NIBAN3: variants seen among roughly 807,000 people sequenced by gnomAD.
NIBAN3 encodes niban apoptosis regulator 3, also known as protein Niban 3.
Under a neutral mutation model 76.4 loss-of-function variants are expected in NIBAN3, and 66 were observed. That is an observed-to-expected ratio of 0.86 (90% CI 0.71 to 1.06). The LOEUF (loss-of-function observed/expected upper bound fraction) is 1.06, where lower values mean the gene tolerates loss of function less well. NIBAN3 is among the 50% of genes least tolerant of loss of function. The pLI, the probability that NIBAN3 is intolerant of heterozygous loss-of-function variation, is 0.00. For missense variants in NIBAN3, 808 were observed against 810.7 expected (o/e 1.00, Z 0.04); for synonymous variants, 360 against 355.2 (o/e 1.01, Z -0.15).
In NIBAN3 at chr19:17,553,592, C is replaced by T; in HGVS notation, c.*1694C>T. ...ATTCCTGACCTTTCCACCTATTTCC[C>T]TCCAACCCCACCTTCCGAAATACAT... is the stretch of plus-strand genomic sequence containing the variant. On this transcript the variant is annotated 3_prime_UTR_variant, in exon 15 of 15. Transcript: ENST00000599164. 6.3e-7 allele frequency: 1 copy of T among 1,584,666 alleles called. No homozygotes were observed. Among genetic ancestry groups the T allele is most frequent in the Non-Finnish European group, 8.7e-7 (1 of 1,153,682 alleles).
At chr19:17,540,131 C>T in intron 8 of NIBAN3, 1 of 418,998 alleles carries the variant, frequency 2.4e-6, no homozygotes, top group South Asian at 6.0e-5. Flanking sequence ...GGTGGGCGGG[C>T]CTGGGAAGTA....
intron 12 of NIBAN3, 157 bp from the exon 13 acceptor site, chr19:17,546,529 T>C: frequency 1.6e-6 from 2 of 1,231,846 alleles, no homozygotes; most frequent in Admixed American, 4.0e-5. Context: ...TATTTTAAAA[T>C]AAAAATATTT....
At position 17,538,542 on chromosome 19, in the gene NIBAN3, G is replaced by A. The variant is rs142283889; in HGVS notation, c.596-608G>A. On this transcript the variant is annotated intron_variant, in intron 5 of 14. Coordinates refer to ENST00000599164, the MANE Select transcript of NIBAN3 (RefSeq NM_001321827.2). ...GGAGGCTTAGGTGGGAGGATCACTT[G>A]AGCCCAGGACTTGGAGGCTGCAGTA... Among the ~76,000 whole-genome samples the A allele has an allele frequency of 3.7e-3, 556 of 151,860 alleles. 5 individuals carry two copies. Among genetic ancestry groups the A allele is most frequent in the African/African-American group, 0.013 (541 of 41,392 alleles).
chr19:17,531,633 A>C (rs528673955), intron 2 of NIBAN3, among the ~76,000 whole-genome samples: 64 of 152,274 alleles, frequency 4.2e-4, no homozygotes, highest in Non-Finnish European at 8.1e-4. Context: ...TCCCAGGTTC[A>C]AGCGATTCTC....
chr19:17,541,998 T>G (rs2075961557), intron 9 of NIBAN3, 138 bp from the exon 10 acceptor site: 10 of 1,069,134 alleles, frequency 9.4e-6, no homozygotes, highest in Non-Finnish European at 1.4e-5. Context: ...ACTATTGTAT[T>G]ATGAGTTTCT....
Position 17,542,650 on chromosome 19 carries a change from G to A in NIBAN3, c.1329+356G>A, listed in dbSNP as rs925356150. On this transcript the variant is annotated intron_variant, in intron 10 of 14. Coordinates refer to ENST00000599164, the MANE Select transcript of NIBAN3 (RefSeq NM_001321827.2). This position sits in a 1 kb window ranked among gnomAD's most constrained non-coding sequence, Gnocchi z 4.8. Reference sequence around the variant, plus strand: ...TTGGGGAACGTGGAGCAATTTTTCAGAAATGGGGAAGATAGGCCGGCGACA... The same window carrying A: ...TTGGGGAACGTGGAGCAATTTTTCAAAAATGGGGAAGATAGGCCGGCGACA... Among the ~76,000 whole-genome samples the A allele has an allele frequency of 6.6e-6, 1 of 152,186 alleles. No homozygotes were observed. The highest frequency in any genetic ancestry group is 1.5e-5 in the Non-Finnish European group (1 of 68,040).
At chr19:17,530,277 T>TA in intron 1 of NIBAN3, among the ~76,000 whole-genome samples, 1 of 151,586 alleles carries the variant, frequency 6.6e-6, no homozygotes, top group Admixed American at 6.6e-5. Flanking sequence ...GCTGTGATCG[T>TA]GCCAGCGCAC....
At chr19:17,554,350 T>G (rs966609076), downstream of NIBAN3, among the ~76,000 whole-genome samples, 4 of 151,560 alleles carry the variant, frequency 2.6e-5, no homozygotes, top group East Asian at 7.8e-4. Context: ...CGTGGTTGAG[T>G]GCACTTGTAG....
chr19:17,524,383 T>C (rs1450669826), upstream of NIBAN3, among the ~76,000 whole-genome samples: 2 of 152,108 alleles, frequency 1.3e-5, no homozygotes, highest in Non-Finnish European at 2.9e-5. Context: ...CCTCCTGGGT[T>C]CAAGTGATTC....
chr19:17,535,629 T>G (rs1049202525), intron 4 of NIBAN3, among the ~76,000 whole-genome samples: 2 of 151,460 alleles, frequency 1.3e-5, no homozygotes, highest in Non-Finnish European at 2.9e-5. Flanking sequence ...ACGCCTATAA[T>G]CCCAGCTACT....
upstream of NIBAN3, among the ~76,000 whole-genome samples, chr19:17,526,051 T>C (rs8108421): frequency 0.071 from 10,245 of 143,408 alleles, 418 homozygotes; most frequent in Admixed American, 0.12. Context: ...GAGACACCGT[T>C]TAAAAAAAAA....
chr19:17,543,333 T>C lies in NIBAN3; in HGVS notation c.1346T>C (p.Val449Ala), dbSNP rs2075989392. The C allele has an allele frequency of 6.4e-7, 1 of 1,568,850 alleles. No homozygotes were observed. The highest frequency in any genetic ancestry group is 1.2e-5 in the South Asian group (1 of 83,948). ...CTCCCACAGCTCATGGCTGACGCCGTGGCCACCTTCCTGCAGCTGGCTGAC... is the reference window on the plus strand; with the variant it reads ...CTCCCACAGCTCATGGCTGACGCCGCGGCCACCTTCCTGCAGCTGGCTGAC... ...DLAQQLMADAVATFLQLADQC... is the reference protein window; with the variant it reads ...DLAQQLMADAAATFLQLADQC... The change falls in exon 11 of 15, where the codon GTG becomes GCG. Residue 449 changes from valine to alanine, a missense_variant. Val to Ala is a moderately conservative substitution (Grantham distance 64). Coordinates refer to ENST00000599164, the MANE Select transcript of NIBAN3 (RefSeq NM_001321827.2).
At chr19:17,549,800 T>G in intron 14 of NIBAN3, 1 of 542,868 alleles carries the variant, frequency 1.8e-6, no homozygotes, top group Non-Finnish European at 3.2e-6. Flanking sequence ...GGTGAATTTG[T>G]GTCCCATCTC....
At chr19:17,549,350 G>A in intron 13 of NIBAN3, 94 bp from the exon 14 acceptor site, 1 of 879,056 alleles carries the variant, frequency 1.1e-6, no homozygotes, top group Non-Finnish European at 1.8e-6. Flanking sequence ...TAGGATTTCT[G>A]CTTGAGACAT....
At chr19:17,538,741 A>G (rs984303901) in intron 5 of NIBAN3, among the ~76,000 whole-genome samples, 1 of 54,230 alleles carries the variant, frequency 1.8e-5, no homozygotes, top group South Asian at 4.5e-4. Context: ...CAAGAAAGAA[A>G]GAAAGAGAAA....
At chr19:17,544,492 G>T (rs1039996516) in intron 12 of NIBAN3, among the ~76,000 whole-genome samples, 3 of 152,212 alleles carry the variant, frequency 2.0e-5, no homozygotes, top group African/African-American at 7.2e-5. Context: ...ATGGAGAGTG[G>T]GTAAGGGTTG....
rs1221988431 is a variant in NIBAN3 at position 17,539,587 on chromosome 19, C to T, written c.817-16C>T. The T allele has an allele frequency of 3.3e-6, 5 of 1,525,500 alleles. No homozygotes were observed. The highest frequency in any genetic ancestry group is 4.9e-5 in the East Asian group (2 of 40,942). 94.5% of individuals were successfully genotyped at this position (1,525,500 alleles called of 1,614,324 possible). ...CCCGTGTCTCGGCTTTGTCCCCCCTCGACCGGTCTGGGCAGCTTCTAGACG... is the reference window on the plus strand; with the variant it reads ...CCCGTGTCTCGGCTTTGTCCCCCCTTGACCGGTCTGGGCAGCTTCTAGACG... On this transcript the variant is annotated splice_polypyrimidine_tract_variant and intron_variant, in intron 7 of 14. Transcript: ENST00000599164.
intron 3 of NIBAN3, among the ~76,000 whole-genome samples, chr19:17,532,870 G>A (rs990266234): frequency 2.6e-5 from 4 of 152,078 alleles, no homozygotes; most frequent in Non-Finnish European, 5.9e-5. Context: ...GAGGAAGGGA[G>A]GGAAAGGGGA....
chr19:17,551,298 T>C (rs1304969777), intron 14 of NIBAN3, among the ~76,000 whole-genome samples: 1 of 151,254 alleles, frequency 6.6e-6, no homozygotes, highest in Non-Finnish European at 1.5e-5. Context: ...TTTCACCATG[T>C]CGGCCAGGCT....
Sources: allele counts gnomAD v4.1 joint callset (sites outside exome capture counted in the v4.1 genomes callset), GRCh38; gene constraint gnomAD v4.1.1; non-coding constraint Gnocchi (gnomAD v3.1); transcripts MANE v1.5; gene names NCBI Gene and HGNC (gene_info 2026-07-23, HGNC 2026-07-21).